Variants in BEAN1 observed in about 807,000 individuals in gnomAD.
The protein encoded by BEAN1 is protein BEAN1.
In BEAN1, 17 loss-of-function variants were observed where a neutral mutation model predicts 17.7. The ratio of observed to expected loss-of-function variants is 0.96; its 90% CI spans 0.66 to 1.44. The LOEUF (loss-of-function observed/expected upper bound fraction) is 1.44. BEAN1 is among the 40% of genes most tolerant of loss of function. The pLI is 0.00. For synonymous variants in BEAN1, 142 were observed against 151.8 expected (o/e 0.94, Z 0.47); for missense variants, 359 against 374.1 (o/e 0.96, Z 0.33).
chr16:66,485,161 C>A (rs1201562100), downstream of BEAN1: 4 of 451,256 alleles, frequency 8.9e-6, no homozygotes, highest in Non-Finnish European at 1.3e-5. Flanking sequence ...CATTGTCACA[C>A]TGGCCAAGCC....
chr16:66,431,537 A>C (rs1378185957), intron 1 of BEAN1, among the ~76,000 whole-genome samples: 4 of 152,102 alleles, frequency 2.6e-5, no homozygotes, highest in African/African-American at 9.7e-5. Context: ...CTGTGAACAC[A>C]TTCGTGTTCT....
In BEAN1 at chr16:66,476,670, C is replaced by T. The variant is rs555635499; in HGVS notation, c.290-890C>T. Among the ~76,000 whole-genome samples, 5 of 152,318 alleles carry T rather than the reference C, an allele frequency of 3.3e-5. No individual in the cohort carries two copies. The East Asian group carries it at 9.6e-4, about 29-fold the overall frequency. On this transcript the variant is annotated intron_variant, in intron 3 of 4. Coordinates refer to ENST00000536005, the MANE Select transcript of BEAN1 (RefSeq NM_001178020.3). ...GACATCCAGCTGCCCTCTGGCCCAACCACTCACTGTGTGTTGTCCTCCAGC... is the reference window on the plus strand; with the variant it reads ...GACATCCAGCTGCCCTCTGGCCCAATCACTCACTGTGTGTTGTCCTCCAGC...
rs61540693 is a variant in BEAN1 at position 66,445,475 on chromosome 16, C to CAAAAAA, written c.25+7809_25+7814dup. 7.5e-4 allele frequency among the ~76,000 whole-genome samples: 37 copies of CAAAAAA among 49,328 alleles called. 5 individuals are homozygous for CAAAAAA. Among genetic ancestry groups the CAAAAAA allele is most frequent in the South Asian group, 9.3e-4 (1 of 1,072 alleles). 32.4% of individuals were successfully genotyped at this position (49,328 alleles called of 152,430 possible). On this transcript the variant is annotated intron_variant, in intron 2 of 4. Coordinates refer to ENST00000536005, the MANE Select transcript of BEAN1 (RefSeq NM_001178020.3). ...TGGGCAAGAGAGTGAGACTCCGTCTCAAAAAAAAAAAAAAAAAAAAAAAAA... is the reference window on the plus strand; with the variant it reads ...TGGGCAAGAGAGTGAGACTCCGTCTCAAAAAAAAAAAAAAAAAAAAAAAAAAAAAAA...
At chr16:66,477,783 T>G in intron 4 of BEAN1, 73 bp downstream of exon 4, 3 of 1,388,952 alleles carry the variant, frequency 2.2e-6, no homozygotes, top group Non-Finnish European at 1.9e-6. Flanking sequence ...AACTCCATCA[T>G]GGGAAAGAGT....
Position 66,469,881 on chromosome 16 carries a change from C to T in BEAN1, c.289+16C>T, listed in dbSNP as rs1963409401. 4 of 1,529,342 alleles carry T rather than the reference C, an allele frequency of 2.6e-6. No homozygotes were observed. Among genetic ancestry groups the T allele is most frequent in the Non-Finnish European group, 3.5e-6 (4 of 1,143,836 alleles). 94.7% of individuals were successfully genotyped at this position (1,529,342 alleles called of 1,614,324 possible). A position where few individuals can be genotyped will look rare whatever the true frequency, so the allele number is the denominator to read the frequency against. On this transcript the variant is annotated intron_variant, in intron 3 of 4. Transcript: ENST00000536005. ...CACGGCTACGGTGAGCCGCCGCCCACCCTGGGGCCCTGGGACCTCATCTGA... is the reference window on the plus strand; with the variant it reads ...CACGGCTACGGTGAGCCGCCGCCCATCCTGGGGCCCTGGGACCTCATCTGA...
rs1964008039 is a variant in BEAN1 at position 66,482,239 on chromosome 16, G to A, written c.*1314G>A. On this transcript the variant is annotated 3_prime_UTR_variant, in exon 5 of 5. Transcript: ENST00000536005. The stretch of plus-strand genomic sequence containing the variant: ...AGTGTCCCTGCTAGCATCGCCAGCG[G>A]CCATCACTCTGCCTCCCTCCCACCT... The A allele has an allele frequency of 6.5e-6, 1 of 153,310 alleles. No homozygotes were observed. Among genetic ancestry groups the A allele is most frequent in the Non-Finnish European group, 1.5e-5 (1 of 68,802 alleles). 9.5% of individuals were successfully genotyped at this position (153,310 alleles called of 1,614,324 possible).
intron 3 of BEAN1, among the ~76,000 whole-genome samples, chr16:66,477,194 G>C (rs529287680): frequency 9.2e-5 from 14 of 152,214 alleles, no homozygotes; most frequent in African/African-American, 3.4e-4. Context: ...CCCTCCTCCA[G>C]GAAGCCCTCC....
At chr16:66,435,955 G>T (rs1402925303) in intron 1 of BEAN1, among the ~76,000 whole-genome samples, 1 of 152,082 alleles carries the variant, frequency 6.6e-6, no homozygotes, top group Non-Finnish European at 1.5e-5. Flanking sequence ...CCCAAGCAGG[G>T]ATGGCAAGCC....
downstream of BEAN1, among the ~76,000 whole-genome samples, chr16:66,494,896 C>G (rs1389891911): frequency 3.3e-5 from 5 of 152,236 alleles, no homozygotes; most frequent in Non-Finnish European, 5.9e-5. Flanking sequence ...GGGATCCCAA[C>G]AGAGGGCATC....
Position 66,471,087 on chromosome 16 carries a change from GAT to G in BEAN1, c.289+1224_289+1225del, listed in dbSNP as rs1344966752. Among the ~76,000 whole-genome samples the G allele has an allele frequency of 1.3e-5, 2 of 152,236 alleles. No homozygotes were observed. Among genetic ancestry groups the G allele is most frequent in the Admixed American group, 6.5e-5 (1 of 15,286 alleles). On this transcript the variant is annotated intron_variant, in intron 3 of 4. Transcript: ENST00000536005. The surrounding 1 kb of genome is among the most constrained non-coding windows in gnomAD (Gnocchi z 4.7). The stretch of plus-strand genomic sequence containing the variant: ...GCAGGAAAAGCTTGGGGAAAAGAAA[GAT>G]AGGAAAAATTTTTAAAATAGATTGA...
chr16:66,432,802 T>C (rs1295920874), intron 1 of BEAN1, among the ~76,000 whole-genome samples: 3 of 152,230 alleles, frequency 2.0e-5, no homozygotes, highest in Non-Finnish European at 2.9e-5. Context: ...CCCTCTCTGC[T>C]ACCTGTACCC....
chr16:66,443,799 C>T (rs1353733692), intron 2 of BEAN1, among the ~76,000 whole-genome samples: 2 of 152,096 alleles, frequency 1.3e-5, no homozygotes, highest in South Asian at 2.1e-4. Flanking sequence ...CTCAGCCTCC[C>T]GAGCAGCTGG....
At chr16:66,494,240 G>A (rs150582907), downstream of BEAN1, among the ~76,000 whole-genome samples, 378 of 152,302 alleles carry the variant, frequency 2.5e-3, 2 homozygotes, top group African/African-American at 8.1e-3. Context: ...AGGGCACGGG[G>A]GAAGAGTGGC....
At chr16:66,445,140 T>C (rs551803333) in intron 2 of BEAN1, among the ~76,000 whole-genome samples, 1 of 151,818 alleles carries the variant, frequency 6.6e-6, no homozygotes, top group Non-Finnish European at 1.5e-5. Context: ...CAAATGAATA[T>C]CTAATATGTC....
At chr16:66,462,455 C>T (rs1963120359) in intron 2 of BEAN1, among the ~76,000 whole-genome samples, 2 of 152,172 alleles carry the variant, frequency 1.3e-5, no homozygotes, top group African/African-American at 4.8e-5. Context: ...ATTTAATGAG[C>T]ACCTATTATG....
chr16:66,468,973 C>T (rs1361160917), intron 2 of BEAN1, among the ~76,000 whole-genome samples: 1 of 152,188 alleles, frequency 6.6e-6, no homozygotes, highest in Non-Finnish European at 1.5e-5. Flanking sequence ...CCCCTCTACC[C>T]TTCTGTGCCT....
chr16:66,470,973 G>A (rs1963462252), intron 3 of BEAN1, among the ~76,000 whole-genome samples: 1 of 152,232 alleles, frequency 6.6e-6, no homozygotes, highest in Non-Finnish European at 1.5e-5. Context: ...CTTAACAGCA[G>A]TAGGCACCCT....
rs1442113330 is a variant in BEAN1, at chr16:66,481,477, G to T, written c.*552G>T. 1 of 380,944 alleles carries T rather than the reference G, an allele frequency of 2.6e-6. No homozygotes were observed. The highest frequency in any genetic ancestry group is 4.6e-6 in the Non-Finnish European group (1 of 215,440). The allele number at this position is 380,944 out of a possible 1,614,324, so 23.6% of individuals were successfully genotyped here. On this transcript the variant is annotated 3_prime_UTR_variant, in exon 5 of 5. Coordinates refer to ENST00000536005, the MANE Select transcript of BEAN1 (RefSeq NM_001178020.3). The surrounding 1 kb of genome is among the most constrained non-coding windows in gnomAD (Gnocchi z 4.1). ...CCGTTGTGCGCTGTGCCTATCTCTC[G>T]ATTCCAGGGCAGATGAGCCACAACA...
At chr16:66,493,186 G>A (rs954537868) in exon 5 of BEAN1, 7 of 702,996 alleles carry the variant, frequency 1.0e-5, no homozygotes, top group Admixed American at 2.0e-5. Context: ...TGCTTGAGCC[G>A]GGCACAGAGA....
Sources: allele counts gnomAD v4.1 joint callset (sites outside exome capture counted in the v4.1 genomes callset), GRCh38; gene constraint gnomAD v4.1.1; non-coding constraint Gnocchi (gnomAD v3.1); transcripts MANE v1.5; gene names NCBI Gene and HGNC (gene_info 2026-07-23, HGNC 2026-07-21).